Variants in EHMT1 observed in about 807,000 individuals in gnomAD.
The protein encoded by EHMT1 is histone-lysine N-methyltransferase EHMT1.
EHMT1 carries 15 observed loss-of-function variants against 147.2 expected under a neutral mutation model. The ratio of observed to expected loss-of-function variants is 0.10; its 90% CI spans 0.07 to 0.16. The LOEUF is 0.16. Ranked by LOEUF, EHMT1 falls within the 10% of genes least tolerant of loss-of-function variation. The pLI, the probability that EHMT1 is intolerant of heterozygous loss-of-function variation, is 1.00. For synonymous variants in EHMT1, 795 were observed against 709.6 expected, an observed-to-expected ratio of 1.12 and a Z score of -1.91; for missense variants, 1,587 against 1,772.4, an observed-to-expected ratio of 0.90 and a Z score of 1.88.
intron 10 of EHMT1, among the ~76,000 whole-genome samples, chr9:137,773,656 C>T (rs895650450): frequency 1.3e-5 from 2 of 152,178 alleles, no homozygotes; most frequent in African/African-American, 4.8e-5. Flanking sequence ...GTAATTGATT[C>T]ATGTCTCCAA....
intron 1 of EHMT1, among the ~76,000 whole-genome samples, chr9:137,707,873 C>T (rs906876654): frequency 5.9e-5 from 9 of 152,070 alleles, no homozygotes; most frequent in African/African-American, 2.2e-4. Flanking sequence ...ATGCTCCACC[C>T]CGGCTCATCT....
intron 16 of EHMT1, among the ~76,000 whole-genome samples, chr9:137,796,659 G>A (rs375996150): frequency 2.3e-5 from 3 of 132,458 alleles, no homozygotes; most frequent in Admixed American, 1.9e-4. Context: ...AGCTGAGATC[G>A]CACCGCTGCA....
rs771044600 is a variant in EHMT1, at chr9:137,754,156, C to T, written c.1249-15C>T. The stretch of plus-strand genomic sequence containing the variant: ...GTGCTTAGTGGTTTATATGCCTGCC[C>T]GTTTGGTTCTCCAGAGTTCGGAATC... On this transcript the variant is annotated splice_polypyrimidine_tract_variant and intron_variant, in intron 7 of 26. Coordinates refer to ENST00000460843, the MANE Select transcript of EHMT1 (RefSeq NM_024757.5). 3.1e-6 allele frequency: 5 copies of T among 1,613,900 alleles called. No individual in the cohort carries two copies. The highest frequency in any genetic ancestry group is 1.1e-5 in the South Asian group (1 of 91,052).
chr9:137,768,875 C>T (rs373552307), intron 10 of EHMT1, among the ~76,000 whole-genome samples: 107 of 151,258 alleles, frequency 7.1e-4, no homozygotes, highest in African/African-American at 2.3e-3. Flanking sequence ...TTAGTAGAGA[C>T]GGGGTTTCCC....
intron 18 of EHMT1, among the ~76,000 whole-genome samples, chr9:137,801,778 G>A (rs1243147044): frequency 1.3e-5 from 2 of 152,118 alleles, no homozygotes; most frequent in Non-Finnish European, 2.9e-5. Flanking sequence ...GATTACAGGT[G>A]TGAGCCACTG....
At chr9:137,718,019 C>T (rs959153934) in intron 3 of EHMT1, among the ~76,000 whole-genome samples, 6 of 152,122 alleles carry the variant, frequency 3.9e-5, no homozygotes, top group Non-Finnish European at 5.9e-5. Context: ...GCCCACCCCT[C>T]GCATGCACCA....
intron 1 of EHMT1, among the ~76,000 whole-genome samples, chr9:137,663,604 T>C (rs1246414936): frequency 6.6e-6 from 1 of 152,250 alleles, no homozygotes; most frequent in Non-Finnish European, 1.5e-5. Flanking sequence ...ATTAATAATT[T>C]CTTATAATTC....
intron 3 of EHMT1, among the ~76,000 whole-genome samples, chr9:137,728,021 T>C (rs1172537520): frequency 1.3e-5 from 2 of 152,218 alleles, no homozygotes; most frequent in African/African-American, 4.8e-5. Flanking sequence ...AAGAACCAGC[T>C]AGAAAATGTT....
intron 1 of EHMT1, among the ~76,000 whole-genome samples, chr9:137,683,271 G>A (rs1942134008): frequency 6.6e-6 from 1 of 152,208 alleles, no homozygotes; most frequent in Non-Finnish European, 1.5e-5. Flanking sequence ...CAGAGTCCCT[G>A]AGGTAAAAGC....
At chr9:137,755,169 C>T (rs538800800) in intron 8 of EHMT1, among the ~76,000 whole-genome samples, 1 of 152,322 alleles carries the variant, frequency 6.6e-6, no homozygotes, top group South Asian at 2.1e-4. Flanking sequence ...TCCATCACCA[C>T]AGTCAGATGA....
In EHMT1 at chr9:137,716,647, A is replaced by T. The variant is rs753232302; in HGVS notation, c.107A>T (p.Glu36Val). 2 of 1,579,930 alleles carry T rather than the reference A, an allele frequency of 1.3e-6. No homozygotes were observed. The highest frequency in any genetic ancestry group is 2.7e-5 in the African/African-American group (2 of 73,760). The change falls in exon 3 of 27, where the codon GAA becomes GTA. Residue 36 changes from glutamate (E) to valine (V), a missense_variant. Physicochemically the swap from Glu to Val is moderately radical, Grantham distance 121 (BLOSUM62 -2). Coordinates refer to ENST00000460843, the MANE Select transcript of EHMT1 (RefSeq NM_024757.5). The part of the protein sequence containing the change: ...LGEETPMAAD[E>V]GSAEKQAGEA... ...GCAGAGACACCTATGGCTGCCGATG[A>T]AGGCTCAGCAGAGAAACAGGCAGGA...
chr9:137,781,947 T>C (rs1408312588), intron 14 of EHMT1, among the ~76,000 whole-genome samples: 1 of 152,098 alleles, frequency 6.6e-6, no homozygotes, highest in Non-Finnish European at 1.5e-5. Flanking sequence ...TCCCCTAGGG[T>C]GTGTCTGCCC....
At chr9:137,647,114 T>G (rs995269164) in intron 1 of EHMT1, among the ~76,000 whole-genome samples, 2 of 152,202 alleles carry the variant, frequency 1.3e-5, no homozygotes, top group Non-Finnish European at 2.9e-5. Flanking sequence ...TCCTGCCGCC[T>G]CCTTCTTCCC....
intron 10 of EHMT1, among the ~76,000 whole-genome samples, chr9:137,772,975 G>T (rs1001294466): frequency 6.6e-6 from 1 of 152,012 alleles, no homozygotes; most frequent in East Asian, 1.9e-4. Context: ...CCCCTACCCC[G>T]CAGCTCCCTT....
chr9:137,626,773 C>G (rs1035328504), intron 1 of EHMT1, among the ~76,000 whole-genome samples: 2 of 150,324 alleles, frequency 1.3e-5, no homozygotes, highest in Non-Finnish European at 3.0e-5. Flanking sequence ...TTTGTTGGCT[C>G]TCTTGCAGAA....
In EHMT1 at chr9:137,716,876, C is replaced by A. The variant is rs757250849; in HGVS notation, c.336C>A (p.Asp112Glu). 5.0e-6 allele frequency: 8 copies of A among 1,613,168 alleles called. No individual in the cohort carries two copies. The highest frequency in any genetic ancestry group is 1.1e-5 in the South Asian group (1 of 91,092). The change falls in exon 3 of 27, where the codon GAC becomes GAA. Residue 112 changes from aspartate (D) to glutamate (E), a missense_variant. Transcript: ENST00000460843. ...EAAKQNHVTA[D>E]DFVQTSVIGS... is the part of the protein sequence containing the mutation. Reference sequence around the variant, plus strand: ...CGAAGCAAAACCACGTCACTGCCGACGACTTTGTGCAGACTTCTGTCATCG... The same window carrying A: ...CGAAGCAAAACCACGTCACTGCCGAAGACTTTGTGCAGACTTCTGTCATCG...
chr9:137,752,245 G>A (rs1475871840), intron 6 of EHMT1, 86 bp from the exon 7 acceptor site: 1 of 1,502,466 alleles, frequency 6.7e-7, no homozygotes, highest in African/African-American at 1.4e-5. Context: ...TTCGAGGTTT[G>A]CTTTGGATCC....
At chr9:137,729,030 G>A (rs920994239) in intron 4 of EHMT1, among the ~76,000 whole-genome samples, 2 of 152,164 alleles carry the variant, frequency 1.3e-5, no homozygotes, top group South Asian at 2.1e-4. Context: ...TCCTTACCGG[G>A]GACCTTTTGT....
chr9:137,796,968 A>G (rs534237930), intron 16 of EHMT1, among the ~76,000 whole-genome samples: 2 of 152,260 alleles, frequency 1.3e-5, no homozygotes, highest in African/African-American at 4.8e-5. Flanking sequence ...TCACACCAGT[A>G]GGGTCTGTGA....
Sources: allele counts gnomAD v4.1 joint callset (sites outside exome capture counted in the v4.1 genomes callset), GRCh38; gene constraint gnomAD v4.1.1; transcripts MANE v1.5; gene names NCBI Gene and HGNC (gene_info 2026-07-23, HGNC 2026-07-21).